The following LPCAT2 variants were observed in gnomAD, a reference collection of about 807,000 sequenced individuals.
LPCAT2 encodes the protein lysophosphatidylcholine acyltransferase 2.
A neutral mutation model predicts 64.7 loss-of-function variants in LPCAT2; 58 were observed. That is an observed-to-expected ratio of 0.90 (90% CI 0.73 to 1.12). The LOEUF (loss-of-function observed/expected upper bound fraction) is 1.12, where lower values mean the gene tolerates loss of function less well. LPCAT2 is among the 50% of genes most tolerant of loss of function. The pLI, the probability that LPCAT2 is intolerant of heterozygous loss-of-function variation, is 0.00. For synonymous variants in LPCAT2, 252 were observed against 245.3 expected, an observed-to-expected ratio of 1.03 and a Z score of -0.26; for missense variants, 579 against 669.8, an observed-to-expected ratio of 0.86 and a Z score of 1.50.
intron 1 of LPCAT2, among the ~76,000 whole-genome samples, chr16:55,518,675 G>A (rs1292121672): frequency 6.6e-6 from 1 of 152,210 alleles, no homozygotes; most frequent in African/African-American, 2.4e-5. Context: ...CAATAAAATG[G>A]GGAGAGAGTA....
chr16:55,570,452 C>T (rs1231600975), intron 11 of LPCAT2, among the ~76,000 whole-genome samples: 5 of 151,970 alleles, frequency 3.3e-5, no homozygotes, highest in East Asian at 3.9e-4. Context: ...GGCAAAACCC[C>T]GTTTCAACAA....
intron 9 of LPCAT2, among the ~76,000 whole-genome samples, chr16:55,548,706 G>T (rs576964075): frequency 1.4e-3 from 212 of 152,150 alleles, no homozygotes; most frequent in Middle Eastern, 3.4e-3. Context: ...TAGAGATGGG[G>T]TTTCACCATG....
intron 12 of LPCAT2, among the ~76,000 whole-genome samples, chr16:55,575,999 T>TA (rs1392053294): frequency 6.6e-6 from 1 of 152,216 alleles, no homozygotes; most frequent in Non-Finnish European, 1.5e-5. Context: ...TTGGGGATTG[T>TA]ACGTGTAATT....
chr16:55,546,723 A>G (rs1963458112), intron 9 of LPCAT2, among the ~76,000 whole-genome samples: 1 of 152,226 alleles, frequency 6.6e-6, no homozygotes, highest in Non-Finnish European at 1.5e-5. Context: ...TATTAAGTGT[A>G]TATAGATGTG....
At chr16:55,546,348 A>T (rs1444685812) in intron 9 of LPCAT2, among the ~76,000 whole-genome samples, 1 of 152,204 alleles carries the variant, frequency 6.6e-6, no homozygotes, top group African/African-American at 2.4e-5. Flanking sequence ...TTCTGACTAG[A>T]TAAATCACCC....
chr16:55,516,304 T>G lies in LPCAT2; in HGVS notation c.171+6952T>G, dbSNP rs1254350079. Among the ~76,000 whole-genome samples, 13 of 152,098 alleles carry G rather than the reference T, an allele frequency of 8.5e-5. 1 individual carries two copies. Among genetic ancestry groups the G allele is most frequent in the Admixed American group, 8.5e-4 (13 of 15,270 alleles). On this transcript the variant is annotated intron_variant, in intron 1 of 13. Transcript: ENST00000262134. ...ATTTTTTATAGAGATGGGATCTCCC[T>G]ATATTGCCCAGACTGGTCTCAAACT...
Position 55,586,454 on chromosome 16 carries a change from G to GAA in LPCAT2, c.*3361_*3362dup, listed in dbSNP as rs1163705707. 7.4e-6 allele frequency: 1 copy of GAA among 134,974 alleles called. No individual in the cohort carries two copies. The highest frequency in any genetic ancestry group is 3.5e-5 in the African/African-American group (1 of 28,856). 8.4% of individuals were successfully genotyped at this position (134,974 alleles called of 1,614,324 possible). ...TAAAAGATAGAGAAAAATATAAACA[G>GAA]AAAAAATTATGTTTACTTCTACCAC... is the stretch of plus-strand genomic sequence containing the variant. On this transcript the variant is annotated 3_prime_UTR_variant, in exon 14 of 14. Coordinates refer to ENST00000262134, the MANE Select transcript of LPCAT2 (RefSeq NM_017839.5).
intron 10 of LPCAT2, among the ~76,000 whole-genome samples, chr16:55,550,266 A>C (rs1037776492): frequency 6.6e-6 from 1 of 152,330 alleles, no homozygotes; most frequent in Middle Eastern, 3.4e-3. Context: ...CAACAAAGCA[A>C]AGATAGGCTA....
At chr16:55,533,447 G>A (rs1359066530) in intron 6 of LPCAT2, among the ~76,000 whole-genome samples, 1 of 112,042 alleles carries the variant, frequency 8.9e-6, no homozygotes, top group Admixed American at 1.3e-4. Flanking sequence ...GTCTTGCTCT[G>A]TCATCAAGGC....
At chr16:55,516,690 G>T (rs1312230939) in intron 1 of LPCAT2, among the ~76,000 whole-genome samples, 2 of 152,128 alleles carry the variant, frequency 1.3e-5, no homozygotes, top group Non-Finnish European at 2.9e-5. Context: ...TTTCAACAAT[G>T]CTAGAGACTT....
At chr16:55,520,859 T>TAGGATGCAG (rs1963085878) in intron 1 of LPCAT2, among the ~76,000 whole-genome samples, 1 of 151,824 alleles carries the variant, frequency 6.6e-6, no homozygotes, top group South Asian at 2.1e-4. Flanking sequence ...TAAAGCAGTG[T>TAGGATGCAG]TTGCAACTAA....
chr16:55,511,370 A>G (rs1397541475), intron 1 of LPCAT2, among the ~76,000 whole-genome samples: 1 of 152,176 alleles, frequency 6.6e-6, no homozygotes, highest in African/African-American at 2.4e-5. Flanking sequence ...TTGAATAGGC[A>G]TGGTAGAAAA....
chr16:55,520,406 A>T (rs1385803205), intron 1 of LPCAT2, among the ~76,000 whole-genome samples: 1 of 152,072 alleles, frequency 6.6e-6, no homozygotes, highest in African/African-American at 2.4e-5. Flanking sequence ...CTAAACAAAG[A>T]AATAAATAAA....
intron 13 of LPCAT2, among the ~76,000 whole-genome samples, chr16:55,580,370 C>T (rs1039557746): frequency 7.2e-5 from 11 of 152,118 alleles, no homozygotes; most frequent in Non-Finnish European, 7.4e-5. Flanking sequence ...ACTATTACTC[C>T]AAACTACTAA....
At position 55,574,651 on chromosome 16, in the gene LPCAT2, C is replaced by T. The variant is rs1963807055; in HGVS notation, c.1236C>T (p.Asp412=). ...CACAGAACCATGATGGCAGCATTGACTTCCGAGAGTATGTGATTGGCCTGG... is the reference window on the plus strand; with the variant it reads ...CACAGAACCATGATGGCAGCATTGATTTCCGAGAGTATGTGATTGGCCTGG... The part of the protein sequence containing the change: ...LFDRNHDGSI[D]FREYVIGLAV... Residue 412 remains aspartate (D), a synonymous_variant, in exon 12 of 14, where the codon GAC becomes GAT. Transcript: ENST00000262134. 2 of 1,613,360 alleles carry T rather than the reference C, an allele frequency of 1.2e-6. No individual in the cohort carries two copies. Among genetic ancestry groups the T allele is most frequent in the Non-Finnish European group, 1.7e-6 (2 of 1,179,434 alleles).
At chr16:55,529,704 ATTGT>A in intron 3 of LPCAT2, 127 bp from the exon 4 acceptor site, 1 of 447,820 alleles carries the variant, frequency 2.2e-6, no homozygotes, top group East Asian at 3.4e-5. Context: ...GTTCTAATAA[ATTGT>A]TTTTTAATTG....
intron 11 of LPCAT2, among the ~76,000 whole-genome samples, chr16:55,564,849 A>C (rs569468966): frequency 2.0e-5 from 3 of 152,142 alleles, no homozygotes; most frequent in African/African-American, 7.2e-5. Context: ...ATATGACCAC[A>C]TACAAATTTT....
chr16:55,530,462 C>T (rs1963236934), intron 4 of LPCAT2, among the ~76,000 whole-genome samples: 1 of 149,194 alleles, frequency 6.7e-6, no homozygotes, highest in Non-Finnish European at 1.5e-5. Context: ...ACTTTACCAT[C>T]TCACCACTCC....
At chr16:55,532,690 A>G (rs1373797920) in intron 5 of LPCAT2, 134 bp from the exon 6 acceptor site, 1 of 560,612 alleles carries the variant, frequency 1.8e-6, no homozygotes, top group African/African-American at 1.9e-5. Flanking sequence ...GGGATTTACC[A>G]ACATTTAGCA....
Sources: allele counts gnomAD v4.1 joint callset (sites outside exome capture counted in the v4.1 genomes callset), GRCh38; gene constraint gnomAD v4.1.1; transcripts MANE v1.5; gene names NCBI Gene and HGNC (gene_info 2026-07-23, HGNC 2026-07-21).